CYB5R4: variants seen among roughly 807,000 people sequenced by gnomAD.
CYB5R4 encodes the protein N-terminal cytochrome b5 and cytochrome b5 oxidoreductase domain-containing protein.
CYB5R4 carries 55 observed loss-of-function variants against 70.2 expected under a neutral mutation model. The ratio of observed to expected loss-of-function variants is 0.78; its 90% CI spans 0.63 to 0.98. The LOEUF (loss-of-function observed/expected upper bound fraction) is 0.98. CYB5R4 is among the 50% of genes least tolerant of loss of function. CYB5R4 has a pLI of 0.00. For synonymous variants in CYB5R4, 197 were observed against 199.5 expected, an observed-to-expected ratio of 0.99 and a Z score of 0.11; for missense variants, 562 against 612.6, an observed-to-expected ratio of 0.92 and a Z score of 0.87.
intron 10 of CYB5R4, among the ~76,000 whole-genome samples, chr6:83,933,189 A>G (rs1255130555): frequency 6.6e-6 from 1 of 152,152 alleles, no homozygotes; most frequent in Non-Finnish European, 1.5e-5. Context: ...CTTCCGGGAT[A>G]ACTTTAGGGT....
chr6:83,939,430 TATAGTTG>T (rs2099469411), intron 12 of CYB5R4, among the ~76,000 whole-genome samples: 1 of 152,184 alleles, frequency 6.6e-6, no homozygotes, highest in South Asian at 2.1e-4. Flanking sequence ...ATGCTCCAAG[TATAGTTG>T]ACTGCATTTC....
At chr6:83,906,515 T>A (rs2099463799) in intron 3 of CYB5R4, among the ~76,000 whole-genome samples, 2 of 152,232 alleles carry the variant, frequency 1.3e-5, no homozygotes, top group Non-Finnish European at 2.9e-5. Flanking sequence ...AGGGTTCTTC[T>A]GTGGCTAGGA....
chr6:83,933,526 AAAAG>A (rs1413934661), intron 10 of CYB5R4, among the ~76,000 whole-genome samples: 2 of 152,220 alleles, frequency 1.3e-5, no homozygotes, highest in Admixed American at 1.3e-4. Context: ...TAGCTTAAAA[AAAAG>A]AGAATAGAGT....
chr6:83,953,765 CTGAT>C (rs1173200847), intron 14 of CYB5R4, among the ~76,000 whole-genome samples: 8 of 152,084 alleles, frequency 5.3e-5, no homozygotes, highest in Admixed American at 5.2e-4. Flanking sequence ...GTTGCTGAAG[CTGAT>C]TGGCTAGAGG....
chr6:83,867,138 TGTAAGTGATATCA>T (rs1263715896), intron 2 of CYB5R4, among the ~76,000 whole-genome samples: 1 of 152,136 alleles, frequency 6.6e-6, no homozygotes, highest in African/African-American at 2.4e-5. Context: ...GGCTACAAAG[TGTAAGTGATATCA>T]GACTGTTGGA....
At chr6:83,905,430 G>A (rs6940214) in intron 3 of CYB5R4, among the ~76,000 whole-genome samples, 23,399 of 152,068 alleles carry the variant, frequency 0.15, 3,508 homozygotes, top group African/African-American at 0.37. Flanking sequence ...AGGACACTTC[G>A]GCTTTGATCC....
intron 10 of CYB5R4, among the ~76,000 whole-genome samples, chr6:83,928,499 A>G (rs192195575): frequency 4.9e-4 from 75 of 152,162 alleles, no homozygotes; most frequent in African/African-American, 1.8e-3. Context: ...CATGGCTTTC[A>G]GAAAAAAAAA....
chr6:83,889,284 T>C (rs1207608805), intron 2 of CYB5R4, among the ~76,000 whole-genome samples: 2 of 152,182 alleles, frequency 1.3e-5, no homozygotes, highest in Non-Finnish European at 2.9e-5. Flanking sequence ...AGATGCCACG[T>C]AGGAATTTCA....
intron 2 of CYB5R4, among the ~76,000 whole-genome samples, chr6:83,866,898 C>T (rs2099456813): frequency 6.6e-6 from 1 of 152,324 alleles, no homozygotes; most frequent in African/African-American, 2.4e-5. Flanking sequence ...GGATTACAGG[C>T]ATGAGCCACC....
intron 3 of CYB5R4, among the ~76,000 whole-genome samples, chr6:83,894,318 A>C (rs2099461545): frequency 6.6e-6 from 1 of 152,140 alleles, no homozygotes; most frequent in South Asian, 2.1e-4. Flanking sequence ...CCTTTGTCTC[A>C]TATATGCTTT....
intron 14 of CYB5R4, among the ~76,000 whole-genome samples, chr6:83,945,618 T>C (rs1347293261): frequency 6.6e-6 from 1 of 151,914 alleles, no homozygotes; most frequent in Non-Finnish European, 1.5e-5. Context: ...CTTCAAAAAA[T>C]CAATGACTCC....
At chr6:83,859,992 C>A in intron 1 of CYB5R4, 135 bp downstream of exon 1, 1 of 798,304 alleles carries the variant, frequency 1.3e-6, no homozygotes, top group Non-Finnish European at 1.9e-6. Flanking sequence ...TGCCTGCAAC[C>A]TCTTTCTGAT....
At chr6:83,942,878 C>A (rs2099469980) in intron 14 of CYB5R4, among the ~76,000 whole-genome samples, 1 of 152,144 alleles carries the variant, frequency 6.6e-6, no homozygotes, top group African/African-American at 2.4e-5. Flanking sequence ...CCCACCACAG[C>A]ACCGAAAAGC....
chr6:83,905,841 A>G (rs1460582435), intron 3 of CYB5R4, among the ~76,000 whole-genome samples: 8 of 152,008 alleles, frequency 5.3e-5, no homozygotes, highest in Admixed American at 3.9e-4. Context: ...ATGTTGGTGG[A>G]GGCTGTTATG....
intron 2 of CYB5R4, among the ~76,000 whole-genome samples, chr6:83,881,625 T>G (rs936151685): frequency 6.6e-6 from 1 of 152,234 alleles, no homozygotes; most frequent in African/African-American, 2.4e-5. Context: ...AAGCTTTAGT[T>G]TCACCTTTCT....
At chr6:83,891,668 C>G (rs752878551) in intron 2 of CYB5R4, among the ~76,000 whole-genome samples, 38 of 152,182 alleles carry the variant, frequency 2.5e-4, no homozygotes, top group Non-Finnish European at 4.9e-4. Context: ...GATAGACATT[C>G]CTAGTTTTTT....
chr6:83,917,415 C>T (rs562208293), intron 5 of CYB5R4, among the ~76,000 whole-genome samples: 13 of 152,122 alleles, frequency 8.5e-5, no homozygotes, highest in Admixed American at 8.5e-4. Flanking sequence ...ATGCATGTAC[C>T]TGTAAAAGAA....
At chr6:83,932,004 A>G (rs1018760378) in intron 10 of CYB5R4, among the ~76,000 whole-genome samples, 3 of 139,528 alleles carry the variant, frequency 2.2e-5, no homozygotes, top group African/African-American at 8.1e-5. Flanking sequence ...CCTGTGTCCA[A>G]GTGTTCTCAT....
chr6:83,868,585 T>C (rs1021697291), intron 2 of CYB5R4, among the ~76,000 whole-genome samples: 1 of 152,240 alleles, frequency 6.6e-6, no homozygotes, highest in Non-Finnish European at 1.5e-5. Flanking sequence ...TTAATTGGAA[T>C]GCTGAAGAAA....
Sources: gnomAD v4.1 joint callset for allele counts (sites outside exome capture counted in the v4.1 genomes callset) on GRCh38, gnomAD v4.1.1 for gene constraint, MANE v1.5 for transcripts, NCBI Gene and HGNC (gene_info 2026-07-23, HGNC 2026-07-21) for gene names.